The following UGGT2 variants were observed in gnomAD, a reference collection of about 807,000 sequenced individuals.
The protein encoded by UGGT2 is UDP-glucose glycoprotein glucosyltransferase 2.
A neutral mutation model predicts 192.1 loss-of-function variants in UGGT2; 180 were observed. The observed-to-expected ratio is 0.94, with a 90% CI of 0.83 to 1.06. The LOEUF (loss-of-function observed/expected upper bound fraction) is 1.06, where lower values mean the gene tolerates loss of function less well. UGGT2 is among the 50% of genes least tolerant of loss of function. The probability of loss-of-function intolerance (pLI) is 0.00; values close to 1 mark genes in which losing one functional copy is unlikely to be tolerated. For synonymous variants in UGGT2, 580 were observed against 591.0 expected (o/e 0.98, Z 0.27); for missense variants, 1,849 against 1,795.7 (o/e 1.03, Z -0.54).
intron 5 of UGGT2, among the ~76,000 whole-genome samples, chr13:96,004,193 T>A (rs910212146): frequency 4.0e-5 from 6 of 150,718 alleles, no homozygotes; most frequent in Non-Finnish European, 5.9e-5. Flanking sequence ...AAAAAAAACA[T>A]ATTTGTTTTT....
chr13:96,029,263 A>G (rs1392655650), intron 2 of UGGT2, among the ~76,000 whole-genome samples: 1 of 152,180 alleles, frequency 6.6e-6, no homozygotes, highest in Non-Finnish European at 1.5e-5. Context: ...AATAAAGCCA[A>G]TAGAATTATA....
At position 95,801,803 on chromosome 13, in the gene UGGT2, TG is replaced by T; in HGVS notation, c.4537del (p.His1513MetfsTer31). 1 of 1,613,936 alleles carries T rather than the reference TG, an allele frequency of 6.2e-7. No individual in the cohort carries two copies. The highest frequency in any genetic ancestry group is 8.5e-7 in the Non-Finnish European group (1 of 1,179,878). ...ENKKQDTILT[H>X]DEL ...TATACACCAGTGCTAGAGTTCATCATGTGTCAAAACTATAAGGGAGAAAAGT... is the reference window on the plus strand; with the variant it reads ...TATACACCAGTGCTAGAGTTCATCATTGTCAAAACTATAAGGGAGAAAAGT... On this transcript the variant is annotated frameshift_variant, in exon 39 of 39. Transcript: ENST00000376747. LOFTEE classifies it high-confidence loss of function.
intron 4 of UGGT2, among the ~76,000 whole-genome samples, chr13:96,016,259 C>G: frequency 6.6e-6 from 1 of 152,170 alleles, no homozygotes; most frequent in Middle Eastern, 3.2e-3. Flanking sequence ...GGGGAAGAAT[C>G]TAAGTGGGCT....
intron 36 of UGGT2, among the ~76,000 whole-genome samples, 174 bp downstream of exon 36, chr13:95,853,369 T>C (rs1174869933): frequency 3.3e-5 from 5 of 152,116 alleles, no homozygotes; most frequent in Non-Finnish European, 7.4e-5. Context: ...GTTTTGAAAA[T>C]GTTGAGCTTG....
chr13:95,961,336 T>C (rs1415709060), intron 12 of UGGT2, among the ~76,000 whole-genome samples: 1 of 151,924 alleles, frequency 6.6e-6, no homozygotes, highest in Non-Finnish European at 1.5e-5. Flanking sequence ...ACAAGACCCA[T>C]CCATACACTG....
chr13:95,809,422 C>A, intron 38 of UGGT2: 1 of 387,028 alleles, frequency 2.6e-6, no homozygotes, highest in Non-Finnish European at 5.1e-6. Flanking sequence ...CCACTTCAGC[C>A]CATTTTCCCT....
chr13:95,841,375 AC>A (rs1887845716), intron 36 of UGGT2, among the ~76,000 whole-genome samples: 2 of 152,160 alleles, frequency 1.3e-5, no homozygotes, highest in Admixed American at 6.5e-5. Context: ...CTACTAGTGT[AC>A]CCTTGACTGA....
At chr13:95,847,056 CTTTTCTTTT>C (rs1207623138) in intron 36 of UGGT2, among the ~76,000 whole-genome samples, 1 of 101,150 alleles carries the variant, frequency 9.9e-6, no homozygotes. Flanking sequence ...CTTTTCTTTT[CTTTTCTTTT>C]TTTTTTTTAT....
At chr13:95,929,963 A>G (rs1477062709) in intron 17 of UGGT2, among the ~76,000 whole-genome samples, 1 of 152,140 alleles carries the variant, frequency 6.6e-6, no homozygotes, top group Non-Finnish European at 1.5e-5. Flanking sequence ...TGTTCACTTA[A>G]TAACAGCCAT....
chr13:95,995,279 C>T (rs2051582727), intron 7 of UGGT2: 1 of 151,904 alleles, frequency 6.6e-6, no homozygotes, highest in South Asian at 2.1e-4. Flanking sequence ...AAAGTTAATC[C>T]TTGCAATAAT....
chr13:95,812,580 T>C (rs983746702), intron 38 of UGGT2, among the ~76,000 whole-genome samples: 2 of 152,158 alleles, frequency 1.3e-5, no homozygotes, highest in Non-Finnish European at 2.9e-5. Context: ...GTTTGAATTT[T>C]TGTCCCCATC....
rs545208355 is a variant in UGGT2 at position 95,961,608 on chromosome 13, T to A, written c.1335+8504A>T. Reference sequence around the variant, plus strand: ...AGTACCTACACATATAAAGCAAACATTATTACAGCTAAAGAGAGAGAGAGA... The same window carrying A: ...AGTACCTACACATATAAAGCAAACAATATTACAGCTAAAGAGAGAGAGAGA... On this transcript the variant is annotated intron_variant, in intron 12 of 38. Transcript: ENST00000376747. 4.6e-5 allele frequency among the ~76,000 whole-genome samples: 7 copies of A among 151,974 alleles called. No individual in the cohort carries two copies. In the South Asian group the frequency reaches 1.5e-3, roughly 32 times the overall value.
At chr13:95,970,315 A>G (rs1361293026) in intron 11 of UGGT2, 53 bp from the exon 12 acceptor site, 4 of 1,513,416 alleles carry the variant, frequency 2.6e-6, no homozygotes, top group Non-Finnish European at 3.6e-6. Context: ...ATTAAAAACA[A>G]ATGTTTTAAA....
chr13:95,804,064 G>A (rs1884191884), intron 38 of UGGT2, among the ~76,000 whole-genome samples: 1 of 152,028 alleles, frequency 6.6e-6, no homozygotes, highest in African/African-American at 2.4e-5. Flanking sequence ...AAATTAAGAA[G>A]TGATTACCCC....
At chr13:95,834,094 A>G (rs1887014563) in intron 37 of UGGT2, among the ~76,000 whole-genome samples, 1 of 152,196 alleles carries the variant, frequency 6.6e-6, no homozygotes, top group Non-Finnish European at 1.5e-5. Context: ...TGCAGAAATT[A>G]ACTTTATAGG....
chr13:96,024,513 T>G (rs1156504558), intron 2 of UGGT2, among the ~76,000 whole-genome samples: 1 of 152,170 alleles, frequency 6.6e-6, no homozygotes, highest in Non-Finnish European at 1.5e-5. Context: ...CCTTTTCCTT[T>G]CTCTACTCTT....
rs577964842 is a variant in UGGT2, at chr13:95,919,515, A to C, written c.2295+6165T>G. 1.8e-3 allele frequency among the ~76,000 whole-genome samples: 269 copies of C among 151,976 alleles called. 2 individuals carry two copies. Among genetic ancestry groups the C allele is most frequent in the Non-Finnish European group, 3.0e-3 (204 of 67,696 alleles). Reference sequence around the variant, plus strand: ...TCTTAAGCTGATAAGCAACTTTAGCAAAGTCTCAGGATACAAAATCAATGT... The same window carrying C: ...TCTTAAGCTGATAAGCAACTTTAGCCAAGTCTCAGGATACAAAATCAATGT... On this transcript the variant is annotated intron_variant, in intron 20 of 38. Transcript: ENST00000376747.
intron 5 of UGGT2, among the ~76,000 whole-genome samples, chr13:96,007,723 C>A (rs986254025): frequency 2.6e-5 from 4 of 151,790 alleles, no homozygotes; most frequent in African/African-American, 9.7e-5. Flanking sequence ...ATTAATTTAA[C>A]CAAAAAAGTG....
intron 20 of UGGT2, among the ~76,000 whole-genome samples, chr13:95,914,510 C>T (rs1355609139): frequency 6.7e-6 from 1 of 150,054 alleles, no homozygotes; most frequent in Non-Finnish European, 1.5e-5. Flanking sequence ...CTCAGTGGCT[C>T]CTGCCTATAA....
Sources: allele counts gnomAD v4.1 joint callset (sites outside exome capture counted in the v4.1 genomes callset), GRCh38; gene constraint gnomAD v4.1.1; transcripts MANE v1.5; gene names NCBI Gene and HGNC (gene_info 2026-07-23, HGNC 2026-07-21).